VWA3A: variants seen among roughly 807,000 people sequenced by gnomAD.
VWA3A encodes von Willebrand factor A domain-containing protein 3A.
Under a neutral mutation model 160.4 loss-of-function variants are expected in VWA3A, and 134 were observed. The observed-to-expected ratio is 0.84, with a 90% CI of 0.73 to 0.96. VWA3A has a LOEUF of 0.96. VWA3A is among the 40% of genes least tolerant of loss of function. The pLI is 0.00. For missense variants in VWA3A, 1,310 were observed against 1,447.9 expected (o/e 0.90, Z 1.55); for synonymous variants, 476 against 543.4 (o/e 0.88, Z 1.72).
intron 17 of VWA3A, among the ~76,000 whole-genome samples, chr16:22,130,367 A>G (rs2045926803): frequency 6.6e-6 from 1 of 152,084 alleles, no homozygotes; most frequent in African/African-American, 2.4e-5. Context: ...TGAAACAGGT[A>G]GAGAGGCGCG....
At position 22,131,637 on chromosome 16, in the gene VWA3A, CGGAAGGCT is replaced by C; in HGVS notation, c.1782_1789del (p.Lys595GlyfsTer36). ...CAGCAGGAACGTTCTCAGCGCCCTGCGGAAGGCTGTGGAAGTAGACTTCAAGGACAAAG... is the reference window on the plus strand; with the variant it reads ...CAGCAGGAACGTTCTCAGCGCCCTGCGTGGAAGTAGACTTCAAGGACAAAG... On this transcript the variant is annotated frameshift_variant, in exon 19 of 34. Transcript: ENST00000389398. LOFTEE classifies it high-confidence loss of function. 2 of 1,613,870 alleles carry C rather than the reference CGGAAGGCT, an allele frequency of 1.2e-6. No homozygotes were observed. Among genetic ancestry groups the C allele is most frequent in the South Asian group, 1.1e-5 (1 of 91,024 alleles).
chr16:22,123,307 C>T lies in VWA3A; in HGVS notation c.1437+142C>T, dbSNP rs1364863969. On this transcript the variant is annotated intron_variant, in intron 15 of 33. Coordinates refer to ENST00000389398, the MANE Select transcript of VWA3A (RefSeq NM_173615.5). Reference sequence around the variant, plus strand: ...ACTGTGTGCTCCACCTACAGGCCTCCTGAAGCTTTGGCCATCTCCTCCCCA... The same window carrying T: ...ACTGTGTGCTCCACCTACAGGCCTCTTGAAGCTTTGGCCATCTCCTCCCCA... The T allele has an allele frequency of 7.1e-6, 8 of 1,122,756 alleles. No individual in the cohort carries two copies. In the East Asian group the frequency reaches 1.8e-4, roughly 25 times the overall value. 69.5% of individuals were successfully genotyped at this position (1,122,756 alleles called of 1,614,324 possible). A position where few individuals can be genotyped will look rare whatever the true frequency, so the allele number is the denominator to read the frequency against.
rs753544970 is a variant in VWA3A at position 22,146,357 on chromosome 16, A to C, written c.2839+13A>C. On this transcript the variant is annotated intron_variant, in intron 27 of 33. Transcript: ENST00000389398. ...TGGCTGCTGTCCGGTGAGCCTGCCC[A>C]CTGCCCTGAAGGGTGGAGGAGCATG... is the stretch of plus-strand genomic sequence containing the variant. 3.7e-6 allele frequency: 6 copies of C among 1,609,332 alleles called. No homozygotes were observed. Among genetic ancestry groups the C allele is most frequent in the Non-Finnish European group, 5.1e-6 (6 of 1,176,948 alleles).
At chr16:22,095,177 T>C (rs2045297277) in intron 1 of VWA3A, among the ~76,000 whole-genome samples, 1 of 152,204 alleles carries the variant, frequency 6.6e-6, no homozygotes, top group Non-Finnish European at 1.5e-5. Flanking sequence ...TCTATGAAAG[T>C]CTGTATAAAA....
chr16:22,110,930 G>T lies in VWA3A; in HGVS notation c.625G>T (p.Val209Phe). 1 of 1,610,536 alleles carries T rather than the reference G, an allele frequency of 6.2e-7. No individual in the cohort carries two copies. Among genetic ancestry groups the T allele is most frequent in the Non-Finnish European group, 8.5e-7 (1 of 1,178,590 alleles). Residue 209 changes from valine (V) to phenylalanine (F), a missense_variant, in exon 8 of 34, where the codon GTC becomes TTC. By Grantham distance (50) the Val-to-Phe change is conservative. Transcript: ENST00000389398. ...GCTGAGCCACAAGGAGAAGCTGTTTGTCCTGTCCTTTGGCACCAATGCCGG... is the reference window on the plus strand; with the variant it reads ...GCTGAGCCACAAGGAGAAGCTGTTTTTCCTGTCCTTTGGCACCAATGCCGG... The part of the protein sequence containing the change: ...EQLSHKEKLF[V>F]LSFGTNAGSL...
Position 22,124,328 on chromosome 16 carries a change from T to A in VWA3A, c.1532+621T>A, listed in dbSNP as rs115780781. On this transcript the variant is annotated intron_variant, in intron 16 of 33. Coordinates refer to ENST00000389398, the MANE Select transcript of VWA3A (RefSeq NM_173615.5). ...AAATGCCCATCCCTGGAGCTTGGAG[T>A]AGGCTCAGCTTCACACAACTCAAAT... Among the ~76,000 whole-genome samples, 1,241 of 150,678 alleles carry A rather than the reference T, an allele frequency of 8.2e-3. 19 individuals carry two copies. The highest frequency in any genetic ancestry group is 0.028 in the African/African-American group (1,169 of 41,042).
intron 26 of VWA3A, 90 bp downstream of exon 26, chr16:22,144,474 T>G (rs1004647851): frequency 2.6e-6 from 4 of 1,510,854 alleles, no homozygotes; most frequent in Non-Finnish European, 3.5e-6. Context: ...TGGCCTCTAT[T>G]TCTGCTTGTA....
intron 6 of VWA3A, among the ~76,000 whole-genome samples, chr16:22,107,240 T>C (rs1015476539): frequency 2.0e-5 from 3 of 152,172 alleles, no homozygotes; most frequent in African/African-American, 7.2e-5. Flanking sequence ...TTTAGCAATG[T>C]CTGGAGACAT....
chr16:22,114,650 A>G (rs935690701), intron 8 of VWA3A, among the ~76,000 whole-genome samples: 15 of 152,212 alleles, frequency 9.9e-5, no homozygotes, highest in Admixed American at 2.6e-4. Flanking sequence ...ATGAGCTAAT[A>G]TTTGTCCTGG....
intron 19 of VWA3A, 123 bp downstream of exon 19, chr16:22,131,852 G>A: frequency 7.5e-7 from 1 of 1,333,950 alleles, no homozygotes; most frequent in South Asian, 1.6e-5. Context: ...AAACTTTAAT[G>A]TATAGACAAG....
rs568587047 is a variant in VWA3A, at chr16:22,105,460, G to A, written c.483+1931G>A. On this transcript the variant is annotated intron_variant, in intron 6 of 33. Transcript: ENST00000389398. ...CACTAAGGCCCTAGAAAGTGGCCTCGCTTCTCTGGATCTGTGTCTGCAGAG... is the reference window on the plus strand; with the variant it reads ...CACTAAGGCCCTAGAAAGTGGCCTCACTTCTCTGGATCTGTGTCTGCAGAG... 5.1e-4 allele frequency among the ~76,000 whole-genome samples: 78 copies of A among 152,320 alleles called. 1 individual carries two copies. Among genetic ancestry groups the A allele is most frequent in the Non-Finnish European group, 9.6e-4 (65 of 68,026 alleles).
rs1310059933 is a variant in VWA3A at position 22,115,327 on chromosome 16, C to T, written c.690-20C>T. ...TACAAACAGTCTTATAATTAGGTTG[C>T]TGTTGTTGTCTCCTCCCAGCCTCCA... On this transcript the variant is annotated intron_variant, in intron 8 of 33. Transcript: ENST00000389398. The T allele has an allele frequency of 1.3e-6, 2 of 1,570,382 alleles. No homozygotes were observed. Among genetic ancestry groups the T allele is most frequent in the African/African-American group, 2.7e-5 (2 of 73,074 alleles).
chr16:22,093,689 C>G (rs1344260931), intron 1 of VWA3A, among the ~76,000 whole-genome samples: 1 of 152,190 alleles, frequency 6.6e-6, no homozygotes, highest in African/African-American at 2.4e-5. Context: ...TTGATAACAG[C>G]ATTGAAGTAG....
chr16:22,135,060 T>G (rs1473120250), intron 21 of VWA3A, among the ~76,000 whole-genome samples: 1 of 152,148 alleles, frequency 6.6e-6, no homozygotes, highest in African/African-American at 2.4e-5. Context: ...TGTTAAAGAA[T>G]TTTTTTAAAA....
At chr16:22,129,060 G>T (rs543510803) in intron 17 of VWA3A, among the ~76,000 whole-genome samples, 1 of 151,878 alleles carries the variant, frequency 6.6e-6, no homozygotes, top group South Asian at 2.1e-4. Context: ...ACCTGCACAC[G>T]TACCCCTGAG....
In VWA3A at chr16:22,131,190, CTT is replaced by C. The variant is rs772486753; in HGVS notation, c.1653-13_1653-12del. On this transcript the variant is annotated splice_polypyrimidine_tract_variant and intron_variant, in intron 17 of 33. Transcript: ENST00000389398. ...CTCCCCCAGCCTAAGAACGAACTCTCTTTGCTTCTTAAAGGTTTGGAAGCACA... is the reference window on the plus strand; with the variant it reads ...CTCCCCCAGCCTAAGAACGAACTCTCTGCTTCTTAAAGGTTTGGAAGCACA... 71 of 1,612,990 alleles carry C rather than the reference CTT, an allele frequency of 4.4e-5. No individual in the cohort carries two copies. The highest frequency in any genetic ancestry group is 1.7e-5 in the Admixed American group (1 of 59,914).
chr16:22,101,029 C>G (rs1035773188), intron 5 of VWA3A, among the ~76,000 whole-genome samples: 3 of 150,364 alleles, frequency 2.0e-5, no homozygotes, highest in Non-Finnish European at 4.4e-5. Context: ...CTTCCCACTT[C>G]TAGCCCCAAT....
chr16:22,132,908 C>G lies in VWA3A; in HGVS notation c.1881C>G (p.Leu627=). ...CTTCTCTTCCCCACCAGCCTACACT[C>G]AGTGCCTACATGGCTGAGGCCTGTG... The part of the protein sequence containing the change: ...GGIPDQDMPT[L]SAYMAEACGG... Residue 627 remains leucine (L), a synonymous_variant, in exon 20 of 34, where the codon CTC becomes CTG. Transcript: ENST00000389398. 1 of 1,613,292 alleles carries G rather than the reference C, an allele frequency of 6.2e-7. No individual in the cohort carries two copies.
rs149573083 is a variant in VWA3A, at chr16:22,101,469, C to T, written c.428+976C>T. On this transcript the variant is annotated intron_variant, in intron 5 of 33. Coordinates refer to ENST00000389398, the MANE Select transcript of VWA3A (RefSeq NM_173615.5). ...TTCATGCTGCTGATAAAGACATACC[C>T]GAGACTGGGCAATTTACAGAAGAAA... Among the ~76,000 whole-genome samples the T allele has an allele frequency of 8.8e-3, 1,342 of 152,222 alleles. 6 individuals are homozygous for T. Among genetic ancestry groups the T allele is most frequent in the Non-Finnish European group, 0.012 (809 of 68,020 alleles).
Sources: allele counts gnomAD v4.1 joint callset (sites outside exome capture counted in the v4.1 genomes callset), GRCh38; gene constraint gnomAD v4.1.1; transcripts MANE v1.5; gene names NCBI Gene and HGNC (gene_info 2026-07-23, HGNC 2026-07-21).